The following MAGI1 variants were observed in gnomAD, a reference collection of about 807,000 sequenced individuals.
MAGI1 encodes membrane associated guanylate kinase, WW and PDZ domain containing 1.
In MAGI1, 58 loss-of-function variants were observed where a neutral mutation model predicts 139.9. That is an observed-to-expected ratio of 0.41 (90% CI 0.34 to 0.52). The LOEUF (loss-of-function observed/expected upper bound fraction) is 0.52, where lower values mean the gene tolerates loss of function less well. Among genes scored for constraint, MAGI1 ranks in the 20% least tolerant of loss-of-function variants. MAGI1 has a pLI of 0.12. For missense variants in MAGI1, 1,874 were observed against 1,901.6 expected, an observed-to-expected ratio of 0.99 and a Z score of 0.27; for synonymous variants, 812 against 737.9, an observed-to-expected ratio of 1.10 and a Z score of -1.63.
At chr3:65,819,231 C>G (rs1440335819) in intron 1 of MAGI1, among the ~76,000 whole-genome samples, 1 of 152,120 alleles carries the variant, frequency 6.6e-6, no homozygotes, top group Non-Finnish European at 1.5e-5. Context: ...TTGCGGTGAG[C>G]CAAGATCGTG....
At chr3:65,687,005 G>A (rs1334007159) in intron 1 of MAGI1, among the ~76,000 whole-genome samples, 1 of 152,190 alleles carries the variant, frequency 6.6e-6, no homozygotes, top group African/African-American at 2.4e-5. Context: ...ATGTATAGGT[G>A]CAAGCATCTC....
intron 1 of MAGI1, among the ~76,000 whole-genome samples, chr3:65,715,576 A>C (rs1354211627): frequency 6.6e-6 from 1 of 152,154 alleles, no homozygotes; most frequent in Non-Finnish European, 1.5e-5. Context: ...TCACGTGCAC[A>C]ATCCAGGGAA....
intron 1 of MAGI1, among the ~76,000 whole-genome samples, chr3:65,972,544 C>T (rs980878683): frequency 1.3e-5 from 2 of 152,214 alleles, no homozygotes; most frequent in African/African-American, 4.8e-5. Flanking sequence ...GATCTTTACT[C>T]GGCCAGAGCC....
At chr3:65,363,997 G>T (rs1365288231) in intron 20 of MAGI1, among the ~76,000 whole-genome samples, 1 of 151,672 alleles carries the variant, frequency 6.6e-6, no homozygotes, top group Non-Finnish European at 1.5e-5. Flanking sequence ...TCCAAATCCT[G>T]ATCAAGGAAA....
chr3:65,825,551 G>A (rs988560833), intron 1 of MAGI1, among the ~76,000 whole-genome samples: 9 of 149,734 alleles, frequency 6.0e-5, no homozygotes, highest in Non-Finnish European at 8.9e-5. Flanking sequence ...AGCTACTAGT[G>A]AGGCTAAAAT....
intron 2 of MAGI1, among the ~76,000 whole-genome samples, chr3:65,578,939 GAGAGAGAC>G (rs1395276665): frequency 3.4e-5 from 5 of 148,424 alleles, no homozygotes; most frequent in African/African-American, 1.2e-4. Context: ...GAGAGAGAGA[GAGAGAGAC>G]AGAGAGAGAG....
chr3:65,748,781 G>C (rs771773848), intron 1 of MAGI1, among the ~76,000 whole-genome samples: 4 of 152,174 alleles, frequency 2.6e-5, no homozygotes, highest in African/African-American at 9.7e-5. Context: ...CCTCCTGGGG[G>C]AGTTATTGTC....
chr3:65,771,908 T>A (rs1218595959), intron 1 of MAGI1, among the ~76,000 whole-genome samples: 1 of 152,132 alleles, frequency 6.6e-6, no homozygotes, highest in Non-Finnish European at 1.5e-5. Context: ...TACTGTGGCA[T>A]CTTTTATAAC....
intron 1 of MAGI1, among the ~76,000 whole-genome samples, chr3:65,656,516 G>C (rs1358318720): frequency 6.6e-6 from 1 of 152,148 alleles, no homozygotes; most frequent in Admixed American, 6.5e-5. Context: ...AAATGTTATG[G>C]AATATAAGAG....
intron 16 of MAGI1, among the ~76,000 whole-genome samples, chr3:65,380,061 C>T (rs529478135): frequency 3.0e-4 from 45 of 152,322 alleles, no homozygotes; most frequent in Non-Finnish European, 5.4e-4. Flanking sequence ...TGAGGCTACC[C>T]GCCCTATGTG....
rs1011946546 is a variant in MAGI1, at chr3:66,032,184, T to G, written c.313+5812A>C. Among the ~76,000 whole-genome samples the G allele has an allele frequency of 6.0e-5, 9 of 150,964 alleles. No homozygotes were observed. The Admixed American group carries it at 6.0e-4, about 10-fold the overall frequency. ...AAACAATGGAATAGTCATTCAGGCA[T>G]CCAACCAATTTTAGTGAGCACCTAT... On this transcript the variant is annotated intron_variant, in intron 1 of 22. Transcript: ENST00000402939.
intron 1 of MAGI1, among the ~76,000 whole-genome samples, chr3:65,831,579 T>C (rs1351116045): frequency 6.6e-6 from 1 of 152,180 alleles, no homozygotes; most frequent in Non-Finnish European, 1.5e-5. Flanking sequence ...CTCTTGAAAG[T>C]TGGCATGCTA....
At chr3:65,530,740 TGCAC>T (rs1271458346) in intron 2 of MAGI1, among the ~76,000 whole-genome samples, 23 of 97,484 alleles carry the variant, frequency 2.4e-4, no homozygotes, top group African/African-American at 7.3e-4. Context: ...TATATATATA[TGCAC>T]ATATATATAC....
chr3:65,674,727 T>G (rs1020861112), intron 1 of MAGI1, among the ~76,000 whole-genome samples: 1 of 152,176 alleles, frequency 6.6e-6, no homozygotes, highest in Non-Finnish European at 1.5e-5. Context: ...TTGCCCACTA[T>G]GCAACCCGCT....
chr3:65,473,209 C>T (rs189216934), intron 4 of MAGI1, among the ~76,000 whole-genome samples: 10 of 152,242 alleles, frequency 6.6e-5, no homozygotes, highest in Admixed American at 2.6e-4. Context: ...ACCTGTCCCC[C>T]AGCCTGCAAA....
chr3:65,801,979 G>C (rs1023500447), intron 1 of MAGI1, among the ~76,000 whole-genome samples: 5 of 151,996 alleles, frequency 3.3e-5, no homozygotes, highest in Admixed American at 6.6e-5. Context: ...ATTTTGAACT[G>C]CACATGTTGG....
chr3:65,406,006 G>A (rs556436088), intron 12 of MAGI1, among the ~76,000 whole-genome samples: 9 of 152,270 alleles, frequency 5.9e-5, no homozygotes, highest in South Asian at 2.1e-4. Context: ...GATTACAGGC[G>A]TGAGCCGCCA....
intron 2 of MAGI1, among the ~76,000 whole-genome samples, chr3:65,587,135 T>C (rs1288008016): frequency 2.6e-5 from 4 of 152,164 alleles, no homozygotes; most frequent in Non-Finnish European, 5.9e-5. Flanking sequence ...CCCAAGACTT[T>C]GCTACTTTTT....
intron 10 of MAGI1, among the ~76,000 whole-genome samples, chr3:65,432,216 A>G (rs1330769902): frequency 6.6e-6 from 1 of 152,118 alleles, no homozygotes; most frequent in Non-Finnish European, 1.5e-5. Context: ...TAATTTCATG[A>G]GCAGCTTCTT....
Sources: gnomAD v4.1 joint callset for allele counts (sites outside exome capture counted in the v4.1 genomes callset) on GRCh38, gnomAD v4.1.1 for gene constraint, MANE v1.5 for transcripts, NCBI Gene and HGNC (gene_info 2026-07-23, HGNC 2026-07-21) for gene names.